Variants in FHIP1A observed in about 807,000 individuals in gnomAD.
FHIP1A encodes the protein FHF complex subunit HOOK interacting protein 1A.
In FHIP1A, 61 loss-of-function variants were observed where a neutral mutation model predicts 88.6. That is an observed-to-expected ratio of 0.69 (90% CI 0.56 to 0.85). The LOEUF (loss-of-function observed/expected upper bound fraction) is 0.85, where lower values mean the gene tolerates loss of function less well. Ranked by LOEUF, FHIP1A falls within the 40% of genes least tolerant of loss-of-function variation. The pLI is 0.00. For synonymous variants in FHIP1A, 478 were observed against 496.0 expected (o/e 0.96, Z 0.48); for missense variants, 1,154 against 1,273.5 (o/e 0.91, Z 1.43).
At chr4:151,591,973 T>A (rs1488663811) in intron 7 of FHIP1A, among the ~76,000 whole-genome samples, 1 of 152,222 alleles carries the variant, frequency 6.6e-6, no homozygotes, top group Non-Finnish European at 1.5e-5. Flanking sequence ...ATCCTTTGGG[T>A]ATATACCCAG....
rs971710382 is a variant in FHIP1A, at chr4:151,668,838, G to A, written c.*6084G>A. Reference sequence around the variant, plus strand: ...GCAACAGAACACAGGGTTTGGGCCTGACCAGGCAGAGCTGGTTCAAGCCAG... The same window carrying A: ...GCAACAGAACACAGGGTTTGGGCCTAACCAGGCAGAGCTGGTTCAAGCCAG... On this transcript the variant is annotated 3_prime_UTR_variant, in exon 14 of 14. Coordinates refer to ENST00000435205, the MANE Select transcript of FHIP1A (RefSeq NM_001109977.3). 6.6e-6 allele frequency among the ~76,000 whole-genome samples: 1 copy of A among 152,172 alleles called. No individual in the cohort carries two copies. Among genetic ancestry groups the A allele is most frequent in the African/African-American group, 2.4e-5 (1 of 41,428 alleles).
At chr4:151,455,465 A>G (rs949560322) in intron 2 of FHIP1A, among the ~76,000 whole-genome samples, 2 of 152,162 alleles carry the variant, frequency 1.3e-5, no homozygotes, top group Non-Finnish European at 2.9e-5. Flanking sequence ...TCTCTTTGTA[A>G]TAGTGAGGCT....
intron 3 of FHIP1A, among the ~76,000 whole-genome samples, chr4:151,527,061 C>T (rs1410519760): frequency 6.6e-6 from 1 of 150,716 alleles, no homozygotes; most frequent in Non-Finnish European, 1.5e-5. Flanking sequence ...GGCAGAGGGG[C>T]TCCTCACATC....
chr4:151,610,434 A>T (rs567761334), intron 7 of FHIP1A, among the ~76,000 whole-genome samples: 1 of 152,316 alleles, frequency 6.6e-6, no homozygotes, highest in East Asian at 1.9e-4. Context: ...AATTTGGCAT[A>T]TTGCCAGGAG....
chr4:151,437,318 T>C (rs1303610742), intron 1 of FHIP1A, among the ~76,000 whole-genome samples: 2 of 152,100 alleles, frequency 1.3e-5, no homozygotes, highest in African/African-American at 4.8e-5. Flanking sequence ...TTTGAAAATA[T>C]AGCATAATGA....
intron 3 of FHIP1A, among the ~76,000 whole-genome samples, chr4:151,510,524 T>C (rs564759440): frequency 6.6e-6 from 1 of 152,352 alleles, no homozygotes; most frequent in African/African-American, 2.4e-5. Context: ...TCCCTTAATG[T>C]TAACCTCTTA....
chr4:151,521,129 A>G (rs1731429410), intron 3 of FHIP1A, among the ~76,000 whole-genome samples: 1 of 152,122 alleles, frequency 6.6e-6, no homozygotes, highest in African/African-American at 2.4e-5. Context: ...GCATGTTTTT[A>G]TTTTATGTGT....
intron 1 of FHIP1A, among the ~76,000 whole-genome samples, chr4:151,430,924 A>C (rs1733568618): frequency 6.6e-6 from 1 of 152,216 alleles, no homozygotes; most frequent in African/African-American, 2.4e-5. Flanking sequence ...GCACCTGAGC[A>C]ACAGAGGTTT....
intron 3 of FHIP1A, among the ~76,000 whole-genome samples, chr4:151,518,004 A>G (rs1055752302): frequency 6.6e-6 from 1 of 152,204 alleles, no homozygotes; most frequent in African/African-American, 2.4e-5. Context: ...AAATATTTTA[A>G]GAATAAATTT....
intron 2 of FHIP1A, among the ~76,000 whole-genome samples, chr4:151,457,546 C>T (rs879756694): frequency 6.6e-6 from 1 of 152,186 alleles, no homozygotes; most frequent in African/African-American, 2.4e-5. Flanking sequence ...GACTGTAAAA[C>T]TGCAAAGTAG....
chr4:151,426,533 A>G (rs760736664), intron 1 of FHIP1A, among the ~76,000 whole-genome samples: 9 of 152,148 alleles, frequency 5.9e-5, no homozygotes, highest in Admixed American at 1.3e-4. Context: ...AGGATAATCA[A>G]TTTTTCTTCT....
intron 2 of FHIP1A, among the ~76,000 whole-genome samples, chr4:151,481,605 A>G (rs1729897341): frequency 6.6e-6 from 1 of 152,114 alleles, no homozygotes; most frequent in African/African-American, 2.4e-5. Flanking sequence ...TTATTAAGAA[A>G]GTAAAGGAAT....
chr4:151,464,300 T>A (rs1729234801), intron 2 of FHIP1A, among the ~76,000 whole-genome samples: 1 of 152,234 alleles, frequency 6.6e-6, no homozygotes, highest in Non-Finnish European at 1.5e-5. Flanking sequence ...TTTTTAAGCC[T>A]TTTATTCCCT....
chr4:151,415,801 G>C (rs1409052790), intron 1 of FHIP1A, among the ~76,000 whole-genome samples: 2 of 152,150 alleles, frequency 1.3e-5, no homozygotes, highest in Non-Finnish European at 2.9e-5. Context: ...TGAGCTTTTA[G>C]GTAAGGTTCA....
At chr4:151,558,910 AT>A (rs1313875477) in intron 3 of FHIP1A, among the ~76,000 whole-genome samples, 1 of 152,242 alleles carries the variant, frequency 6.6e-6, no homozygotes, top group Non-Finnish European at 1.5e-5. Context: ...TTGTGCAACA[AT>A]AATATTAAGA....
intron 1 of FHIP1A, among the ~76,000 whole-genome samples, chr4:151,410,901 G>A (rs1422647354): frequency 6.6e-6 from 1 of 152,198 alleles, no homozygotes; most frequent in Non-Finnish European, 1.5e-5. Context: ...TAAGTTTGGG[G>A]TCCTATTTAT....
chr4:151,539,421 G>A (rs561951663), intron 3 of FHIP1A, among the ~76,000 whole-genome samples: 3 of 152,002 alleles, frequency 2.0e-5, no homozygotes, highest in Non-Finnish European at 2.9e-5. Flanking sequence ...AAAATTAGCC[G>A]GGCATGATGG....
chr4:151,580,148 T>C (rs899551635), intron 5 of FHIP1A, among the ~76,000 whole-genome samples: 12 of 152,222 alleles, frequency 7.9e-5, no homozygotes, highest in African/African-American at 2.7e-4. Flanking sequence ...ATCAGGTCTC[T>C]TTAGTCTCCG....
intron 11 of FHIP1A, among the ~76,000 whole-genome samples, chr4:151,654,219 C>T (rs1737143729): frequency 6.6e-6 from 1 of 152,142 alleles, no homozygotes; most frequent in African/African-American, 2.4e-5. Context: ...CCATTTGTAT[C>T]ATTACAGTCT....
Sources: gnomAD v4.1 joint callset for allele counts (sites outside exome capture counted in the v4.1 genomes callset) on GRCh38, gnomAD v4.1.1 for gene constraint, MANE v1.5 for transcripts, NCBI Gene and HGNC (gene_info 2026-07-23, HGNC 2026-07-21) for gene names.